The following GNG2 variants were observed in gnomAD, a reference collection of about 807,000 sequenced individuals.
GNG2 encodes the protein guanine nucleotide-binding protein G(I)/G(S)/G(O) subunit gamma-2.
In GNG2, 5 loss-of-function variants were observed where a neutral mutation model predicts 5.5. The ratio of observed to expected loss-of-function variants is 0.91; its 90% CI spans 0.48 to 1.92. The LOEUF is 1.92. Ranked by LOEUF, GNG2 falls within the 30% of genes most tolerant of loss-of-function variation. The pLI, the probability that GNG2 is intolerant of heterozygous loss-of-function variation, is 0.01. For missense variants in GNG2, 55 were observed against 88.4 expected, an observed-to-expected ratio of 0.62 and a Z score of 1.52; for synonymous variants, 28 against 32.0, an observed-to-expected ratio of 0.88 and a Z score of 0.42.
intron 2 of GNG2, among the ~76,000 whole-genome samples, chr14:51,901,963 TAAAAAAAAAAAAAAAAA>T (rs34308582): frequency 1.8e-5 from 1 of 56,428 alleles, no homozygotes; most frequent in Non-Finnish European, 3.2e-5. Flanking sequence ...TAACAATCTG[TAAAAAAAAAAAAAAAAA>T]AAAAAAAAAA....
upstream of GNG2, among the ~76,000 whole-genome samples, chr14:51,859,363 T>C (rs1308350704): frequency 6.6e-6 from 1 of 152,202 alleles, no homozygotes; most frequent in Non-Finnish European, 1.5e-5. Flanking sequence ...GAATAAATTG[T>C]TATTAAAGCA....
At chr14:51,854,809 G>C (rs4243584) in intron 2 of GNG2, among the ~76,000 whole-genome samples, 1 of 152,014 alleles carries the variant, frequency 6.6e-6, no homozygotes, top group Non-Finnish European at 1.5e-5. Flanking sequence ...CACCGCACCC[G>C]GCCGGCCGTG....
At chr14:51,932,246 CAAAAAAAAAAAAAA>C (rs781725794) in intron 2 of GNG2, among the ~76,000 whole-genome samples, 1 of 23,200 alleles carries the variant, frequency 4.3e-5, no homozygotes. Context: ...GACTCTGTCT[CAAAAAAAAAAAAAA>C]AAAAAAAAAA....
At chr14:51,850,183 G>A (rs780607518) in intron 2 of GNG2, among the ~76,000 whole-genome samples, 3 of 152,062 alleles carry the variant, frequency 2.0e-5, no homozygotes, top group Non-Finnish European at 2.9e-5. Context: ...TCATTTGGCT[G>A]TTCCTTGGAG....
intron 2 of GNG2, among the ~76,000 whole-genome samples, chr14:51,832,080 G>A (rs776108015): frequency 2.2e-4 from 33 of 152,064 alleles, no homozygotes; most frequent in Non-Finnish European, 2.1e-4. Context: ...AGGAGTACGA[G>A]ACCAGCTTGG....
At chr14:51,923,918 A>C (rs1887166223) in intron 2 of GNG2, among the ~76,000 whole-genome samples, 2 of 152,204 alleles carry the variant, frequency 1.3e-5, no homozygotes, top group Non-Finnish European at 2.9e-5. Context: ...GGTCAGCAGG[A>C]ACGGGCAACA....
intron 2 of GNG2, among the ~76,000 whole-genome samples, chr14:51,888,147 C>T (rs1239714975): frequency 6.6e-6 from 1 of 152,118 alleles, no homozygotes; most frequent in Non-Finnish European, 1.5e-5. Context: ...GATCATCTCT[C>T]CCTTCTATCT....
At chr14:51,943,806 G>A (rs1367637274) in intron 2 of GNG2, among the ~76,000 whole-genome samples, 2 of 74,164 alleles carry the variant, frequency 2.7e-5, no homozygotes, top group African/African-American at 7.0e-5. Context: ...ATAAATAAAT[G>A]GAAAAAGACA....
At chr14:51,902,449 C>T (rs1384922443) in intron 2 of GNG2, among the ~76,000 whole-genome samples, 3 of 152,144 alleles carry the variant, frequency 2.0e-5, no homozygotes, top group Admixed American at 2.0e-4. Flanking sequence ...GGCCTGGTTT[C>T]CTGGTCTGCC....
At chr14:51,921,921 C>A (rs34764790) in intron 2 of GNG2, among the ~76,000 whole-genome samples, 8,318 of 152,262 alleles carry the variant, frequency 0.055, 245 homozygotes, top group African/African-American at 0.082. Flanking sequence ...TAAACAGCAT[C>A]ATTTTCTCTT....
At position 51,897,356 on chromosome 14, in the gene GNG2, G is replaced by C. The variant is rs891305958; in HGVS notation, c.-30+19699G>C. On this transcript the variant is annotated intron_variant, in intron 2 of 3. Transcript: ENST00000556766. ...GAATGAGACTTTGTAATGTCAGGCA[G>C]CTGTAGAAGTGATGGCCCCCATAAC... Among the ~76,000 whole-genome samples, 4 of 152,212 alleles carry C rather than the reference G, an allele frequency of 2.6e-5. No individual in the cohort carries two copies. The East Asian group carries it at 5.8e-4, about 22-fold the overall frequency.
intron 2 of GNG2, among the ~76,000 whole-genome samples, chr14:51,888,298 A>T (rs1884602406): frequency 6.6e-6 from 1 of 151,612 alleles, no homozygotes; most frequent in Non-Finnish European, 1.5e-5. Context: ...TTACTCAATT[A>T]TCGTTTTGTT....
At chr14:51,875,461 C>T (rs1027823631) in intron 1 of GNG2, among the ~76,000 whole-genome samples, 2 of 152,168 alleles carry the variant, frequency 1.3e-5, no homozygotes, top group African/African-American at 4.8e-5. Flanking sequence ...TCTATTAAAA[C>T]CATGGAAGAA....
intron 2 of GNG2, among the ~76,000 whole-genome samples, chr14:51,854,542 CT>C (rs1297713282): frequency 6.6e-6 from 1 of 152,004 alleles, no homozygotes; most frequent in Non-Finnish European, 1.5e-5. Context: ...TAGAGTCTTG[CT>C]TTGTTGCCCA....
chr14:51,826,611 C>T (rs1176558533), intron 1 of GNG2, among the ~76,000 whole-genome samples: 1 of 152,116 alleles, frequency 6.6e-6, no homozygotes, highest in East Asian at 1.9e-4. Context: ...AGGCATTGAC[C>T]TGAAACAGGA....
intron 2 of GNG2, among the ~76,000 whole-genome samples, chr14:51,888,883 A>T (rs554592123): frequency 6.6e-6 from 1 of 152,174 alleles, no homozygotes; most frequent in East Asian, 1.9e-4. Flanking sequence ...TTATTCAGCC[A>T]TGAAAAGGAA....
intron 2 of GNG2, among the ~76,000 whole-genome samples, chr14:51,946,756 C>T (rs1318683920): frequency 6.6e-6 from 1 of 152,142 alleles, no homozygotes; most frequent in Non-Finnish European, 1.5e-5. Flanking sequence ...CACTACGTGA[C>T]TCTAAACCCA....
At chr14:51,869,541 C>T (rs1321117228) in intron 1 of GNG2, among the ~76,000 whole-genome samples, 2 of 152,166 alleles carry the variant, frequency 1.3e-5, no homozygotes, top group Non-Finnish European at 2.9e-5. Flanking sequence ...GAAACAGGGC[C>T]TCGGTCTGTC....
chr14:51,944,426 G>T (rs941440175), intron 2 of GNG2, among the ~76,000 whole-genome samples: 9 of 152,130 alleles, frequency 5.9e-5, no homozygotes, highest in African/African-American at 1.9e-4. Flanking sequence ...TATAATTTAT[G>T]CAGACTCCAC....
Sources: allele counts gnomAD v4.1 joint callset (sites outside exome capture counted in the v4.1 genomes callset), GRCh38; gene constraint gnomAD v4.1.1; transcripts MANE v1.5; gene names NCBI Gene and HGNC (gene_info 2026-07-23, HGNC 2026-07-21).